The following WWOX variants were observed in gnomAD, a reference collection of about 807,000 sequenced individuals.
The protein encoded by WWOX is WW domain-containing oxidoreductase.
A neutral mutation model predicts 46.2 loss-of-function variants in WWOX; 69 were observed. That is an observed-to-expected ratio of 1.49 (90% CI 1.23 to 1.82). The LOEUF is 1.82. WWOX is among the 40% of genes most tolerant of loss of function. The pLI is 0.00. For missense variants in WWOX, 919 were observed against 542.6 expected, an observed-to-expected ratio of 1.69 and a Z score of -6.89; for synonymous variants, 359 against 202.6, an observed-to-expected ratio of 1.77 and a Z score of -6.56.
intron 8 of WWOX, among the ~76,000 whole-genome samples, chr16:78,630,529 A>G (rs1323849443): frequency 2.0e-5 from 3 of 152,170 alleles, no homozygotes; most frequent in Admixed American, 6.6e-5. Context: ...GGTAGACAAT[A>G]CTTCATATAT....
rs561347625 is a variant in WWOX, at chr16:78,380,650, A to T, written c.517-6210A>T. 2.0e-3 allele frequency among the ~76,000 whole-genome samples: 306 copies of T among 152,256 alleles called. 4 individuals are homozygous for T. The highest frequency in any genetic ancestry group is 3.5e-3 in the Non-Finnish European group (241 of 68,024). On this transcript the variant is annotated intron_variant, in intron 5 of 8. Coordinates refer to ENST00000566780, the MANE Select transcript of WWOX (RefSeq NM_016373.4). Reference sequence around the variant, plus strand: ...ACATAATCACAATATAAGGATCTAGAGTTATGAACTACTGATCAGGTATCA... The same window carrying T: ...ACATAATCACAATATAAGGATCTAGTGTTATGAACTACTGATCAGGTATCA...
chr16:78,329,718 G>C (rs748004945), intron 5 of WWOX, among the ~76,000 whole-genome samples: 10 of 151,042 alleles, frequency 6.6e-5, no homozygotes, highest in Admixed American at 3.3e-4. Flanking sequence ...TCTGTTTTAT[G>C]TTTTATGTTT....
chr16:78,501,193 C>CTCTTTTTTTTTTTTTT (rs1567609023), intron 8 of WWOX, among the ~76,000 whole-genome samples: 2 of 90,932 alleles, frequency 2.2e-5, no homozygotes, highest in Non-Finnish European at 4.6e-5. Flanking sequence ...CTTTCTTTCT[C>CTCTTTTTTTTTTTTTT]TTTTTTTTTT....
At chr16:78,956,015 T>C (rs1416272093) in intron 8 of WWOX, among the ~76,000 whole-genome samples, 2 of 152,134 alleles carry the variant, frequency 1.3e-5, no homozygotes, top group African/African-American at 2.4e-5. Flanking sequence ...AAAAAAACTT[T>C]TTTTTTTAGA....
chr16:78,223,695 G>C (rs2036963014), intron 5 of WWOX, among the ~76,000 whole-genome samples: 1 of 152,174 alleles, frequency 6.6e-6, no homozygotes, highest in Non-Finnish European at 1.5e-5. Flanking sequence ...GAGGGTGTTT[G>C]AGTTCAGTGG....
intron 8 of WWOX, among the ~76,000 whole-genome samples, chr16:78,666,954 A>G (rs1377447212): frequency 6.6e-6 from 1 of 152,138 alleles, no homozygotes; most frequent in Non-Finnish European, 1.5e-5. Flanking sequence ...TTCCATCACA[A>G]AAGGGGGTTA....
At chr16:79,159,274 C>T (rs1396239557) in intron 8 of WWOX, among the ~76,000 whole-genome samples, 1 of 152,246 alleles carries the variant, frequency 6.6e-6, no homozygotes, top group African/African-American at 2.4e-5. Flanking sequence ...GGTGCATACG[C>T]AGCTCACCGT....
chr16:78,281,317 G>C (rs2151854521), intron 5 of WWOX, among the ~76,000 whole-genome samples: 1 of 152,304 alleles, frequency 6.6e-6, no homozygotes, highest in South Asian at 2.1e-4. Context: ...GATTTGGGCG[G>C]GGACAAATAT....
At chr16:78,242,219 C>T (rs191323227) in intron 5 of WWOX, among the ~76,000 whole-genome samples, 1 of 152,196 alleles carries the variant, frequency 6.6e-6, no homozygotes, top group Non-Finnish European at 1.5e-5. Context: ...TTTGTAATAC[C>T]TGTATTTTAT....
At chr16:79,152,696 C>G (rs968556740) in intron 8 of WWOX, among the ~76,000 whole-genome samples, 2 of 151,618 alleles carry the variant, frequency 1.3e-5, no homozygotes, top group Admixed American at 1.3e-4. Flanking sequence ...AAACAAAAAC[C>G]TGCCCTGCCC....
At chr16:78,603,382 C>T (rs1049619529) in intron 8 of WWOX, among the ~76,000 whole-genome samples, 3 of 152,160 alleles carry the variant, frequency 2.0e-5, no homozygotes, top group Non-Finnish European at 4.4e-5. Context: ...GGTGATCAGG[C>T]AAACTACATG....
intron 8 of WWOX, among the ~76,000 whole-genome samples, chr16:78,468,504 G>T (rs1402180033): frequency 6.6e-6 from 1 of 152,060 alleles, no homozygotes; most frequent in Non-Finnish European, 1.5e-5. Flanking sequence ...TTCTTGGAAG[G>T]GTCATCTCAT....
chr16:78,136,763 C>G (rs749763942), intron 4 of WWOX, among the ~76,000 whole-genome samples: 1 of 152,144 alleles, frequency 6.6e-6, no homozygotes, highest in African/African-American at 2.4e-5. Context: ...ACCCATTAGG[C>G]AAATGGAAGA....
intron 5 of WWOX, among the ~76,000 whole-genome samples, chr16:78,355,335 G>C (rs765518703): frequency 8.5e-5 from 13 of 152,178 alleles, no homozygotes; most frequent in Admixed American, 2.0e-4. Flanking sequence ...GGGCGCAGTG[G>C]CTCACGCCTG....
chr16:78,523,645 C>T (rs185965745), intron 8 of WWOX, among the ~76,000 whole-genome samples: 4 of 152,310 alleles, frequency 2.6e-5, no homozygotes, highest in Admixed American at 6.5e-5. Flanking sequence ...CTTCGCTTTT[C>T]GTAATGTGGT....
intron 8 of WWOX, among the ~76,000 whole-genome samples, chr16:78,946,338 C>T (rs1172889219): frequency 2.6e-5 from 4 of 151,986 alleles, no homozygotes; most frequent in African/African-American, 7.3e-5. Flanking sequence ...TACAGGGATG[C>T]GCCACCATGC....
chr16:78,514,055 AC>A (rs2085429851), intron 8 of WWOX, among the ~76,000 whole-genome samples: 1 of 152,134 alleles, frequency 6.6e-6, no homozygotes, highest in African/African-American at 2.4e-5. Flanking sequence ...TTATTGAGAA[AC>A]CTATTCTGTT....
chr16:78,563,876 C>G (rs2044500117), intron 8 of WWOX, among the ~76,000 whole-genome samples: 1 of 152,030 alleles, frequency 6.6e-6, no homozygotes. Flanking sequence ...GTTCGTTTGT[C>G]CACTCCTTGA....
chr16:78,763,885 T>C (rs551696135), intron 8 of WWOX, among the ~76,000 whole-genome samples: 1 of 152,178 alleles, frequency 6.6e-6, no homozygotes, highest in Non-Finnish European at 1.5e-5. Context: ...CTGTATGCAA[T>C]TGTGTACACC....
Sources: gnomAD v4.1 joint callset for allele counts (sites outside exome capture counted in the v4.1 genomes callset) on GRCh38, gnomAD v4.1.1 for gene constraint, MANE v1.5 for transcripts, NCBI Gene and HGNC (gene_info 2026-07-23, HGNC 2026-07-21) for gene names.